Variants in CPLANE1 observed in about 807,000 individuals in gnomAD.
CPLANE1 encodes the protein ciliogenesis and planar polarity effector 1.
Under a neutral mutation model 362.5 loss-of-function variants are expected in CPLANE1, and 263 were observed. The observed-to-expected ratio is 0.73, with a 90% CI of 0.66 to 0.80. CPLANE1 has a LOEUF of 0.80. Ranked by LOEUF, CPLANE1 falls within the 30% of genes least tolerant of loss-of-function variation. CPLANE1 has a pLI of 0.00. For missense variants in CPLANE1, 3,461 were observed against 3,793.4 expected (o/e 0.91, Z 2.30); for synonymous variants, 1,212 against 1,302.6 (o/e 0.93, Z 1.50).
chr5:37,127,910 C>T (rs1262713342), intron 46 of CPLANE1, among the ~76,000 whole-genome samples: 2 of 151,888 alleles, frequency 1.3e-5, no homozygotes, highest in African/African-American at 2.4e-5. Context: ...TGCAGTGGCA[C>T]ACATCTGTGG....
intron 8 of CPLANE1, among the ~76,000 whole-genome samples, chr5:37,235,404 A>G (rs777369097): frequency 6.6e-6 from 1 of 152,146 alleles, no homozygotes; most frequent in Non-Finnish European, 1.5e-5. Flanking sequence ...TAAAAGGCCA[A>G]TATCATTAAA....
intron 16 of CPLANE1, among the ~76,000 whole-genome samples, chr5:37,208,347 G>A (rs988706045): frequency 2.6e-5 from 4 of 152,208 alleles, no homozygotes; most frequent in Non-Finnish European, 5.9e-5. Flanking sequence ...AGAATGCCCT[G>A]TGCCTTGATG....
intron 43 of CPLANE1, among the ~76,000 whole-genome samples, chr5:37,147,379 A>G (rs529010539): frequency 1.3e-5 from 2 of 152,370 alleles, no homozygotes; most frequent in African/African-American, 4.8e-5. Context: ...CTTAATATTT[A>G]GAAGCTAAAA....
the CPLANE1 span, among the ~76,000 whole-genome samples, chr5:37,086,034 G>A: frequency 1.3e-5 from 2 of 152,012 alleles, no homozygotes; most frequent in Non-Finnish European, 2.9e-5. Context: ...CCTAACACTG[G>A]AGTTCCCAAA....
intron 32 of CPLANE1, 97 bp from the exon 33 acceptor site, chr5:37,170,428 G>A (rs1446818493): frequency 4.8e-6 from 6 of 1,244,282 alleles, no homozygotes; most frequent in South Asian, 3.0e-5. Context: ...ATAGTCACAC[G>A]TTTGTCTTAA....
intron 46 of CPLANE1, among the ~76,000 whole-genome samples, chr5:37,138,007 T>A (rs1177302177): frequency 6.6e-6 from 1 of 151,958 alleles, no homozygotes; most frequent in African/African-American, 2.4e-5. Flanking sequence ...ATGAAAAGAA[T>A]GTATATTCTG....
the CPLANE1 span, chr5:37,085,879 C>T: frequency 3.3e-6 from 3 of 921,554 alleles, no homozygotes; most frequent in East Asian, 7.2e-5. Flanking sequence ...CGTGTTAAAT[C>T]TTTGTACATA....
intron 46 of CPLANE1, among the ~76,000 whole-genome samples, chr5:37,135,608 G>A (rs1406005076): frequency 6.6e-6 from 1 of 152,178 alleles, no homozygotes; most frequent in East Asian, 1.9e-4. Context: ...GTCGAGGTGG[G>A]CGGATCACAA....
intron 50 of CPLANE1, 147 bp from the exon 51 acceptor site, chr5:37,115,196 G>A: frequency 1.6e-6 from 1 of 615,230 alleles, no homozygotes; most frequent in Non-Finnish European, 2.8e-6. Flanking sequence ...AGTAAATGGT[G>A]GCTGGTTTGA....
intron 16 of CPLANE1, among the ~76,000 whole-genome samples, chr5:37,208,719 C>T (rs1369996861): frequency 6.8e-6 from 1 of 147,572 alleles, no homozygotes; most frequent in Non-Finnish European, 1.5e-5. Context: ...TTAACTTTCA[C>T]CTCCTCAGAG....
At chr5:37,114,892 C>G (rs1345600610) in intron 51 of CPLANE1, 68 bp downstream of exon 51, 11 of 935,616 alleles carry the variant, frequency 1.2e-5, no homozygotes, top group Non-Finnish European at 1.6e-5. Flanking sequence ...GAGTGAGACT[C>G]TGTCTCAAAA....
chr5:37,202,046 A>C (rs1789344527), intron 18 of CPLANE1, among the ~76,000 whole-genome samples: 1 of 152,232 alleles, frequency 6.6e-6, no homozygotes, highest in Admixed American at 6.5e-5. Flanking sequence ...TACAATAAAA[A>C]TATTCTTAGA....
At chr5:37,234,382 A>T (rs1460941849) in intron 8 of CPLANE1, among the ~76,000 whole-genome samples, 1 of 143,230 alleles carries the variant, frequency 7.0e-6, no homozygotes, top group Admixed American at 7.1e-5. Context: ...GAGAAAGATT[A>T]AAAAAAAAAA....
chr5:37,210,190 A>T (rs558437162), intron 16 of CPLANE1: 1 of 1,423,980 alleles, frequency 7.0e-7, no homozygotes, highest in Non-Finnish European at 9.9e-7. Flanking sequence ...AAGCACCAAG[A>T]GATTGAAACA....
intron 46 of CPLANE1, among the ~76,000 whole-genome samples, chr5:37,137,485 T>C (rs1482804061): frequency 6.6e-6 from 1 of 152,218 alleles, no homozygotes; most frequent in Non-Finnish European, 1.5e-5. Context: ...TTTTCAGGTA[T>C]TTTTACAGTA....
At position 37,168,830 on chromosome 5, in the gene CPLANE1, T is replaced by A; in HGVS notation, c.7194A>T (p.Arg2398Ser). The change falls in exon 34 of 53, where the codon AGA becomes AGT. Residue 2398 changes from arginine to serine, a missense_variant. Arg to Ser is a moderately radical substitution (Grantham distance 110, BLOSUM62 -1). This residue lies in a region of CPLANE1 where 3,380 missense variants were observed against 3,666.1 expected (regional missense o/e 0.92). Coordinates refer to ENST00000651892, the MANE Select transcript of CPLANE1 (RefSeq NM_001384732.1). ...QPIAEERKYPRLSLLHSHLSP... is the reference protein window; with the variant it reads ...QPIAEERKYPSLSLLHSHLSP... The stretch of plus-strand genomic sequence containing the variant: ...ACAAATGTGAATGAAGTAATGACAA[T>A]CTTGGGTATTTTCTTTCTTCTGCTA... 1 of 1,613,496 alleles carries A rather than the reference T, an allele frequency of 6.2e-7. No homozygotes were observed. Among genetic ancestry groups the A allele is most frequent in the East Asian group, 2.2e-5 (1 of 44,860 alleles).
In CPLANE1 at chr5:37,157,798, T is replaced by A. The variant is rs200930248; in HGVS notation, c.7883A>T (p.Glu2628Val). 314 of 1,613,738 alleles carry A rather than the reference T, an allele frequency of 1.9e-4. No homozygotes were observed. The highest frequency in any genetic ancestry group is 8.3e-4 in the Admixed American group (50 of 59,986). ...GATAACATTATCATTTGAAGGCTCTTCTCTCACAGGTAATTCCTGTAGAAG... is the reference window on the plus strand; with the variant it reads ...GATAACATTATCATTTGAAGGCTCTACTCTCACAGGTAATTCCTGTAGAAG... ...NDLLQELPVR[E>V]EPSNDNVIKQ... Residue 2628 changes from glutamate to valine, a missense_variant, in exon 40 of 53, where the codon GAA becomes GTA. This residue lies in a region of CPLANE1 where 3,380 missense variants were observed against 3,666.1 expected (regional missense o/e 0.92). Coordinates refer to ENST00000651892, the MANE Select transcript of CPLANE1 (RefSeq NM_001384732.1).
intron 37 of CPLANE1, 102 bp from the exon 38 acceptor site, chr5:37,162,668 G>T: frequency 2.7e-6 from 2 of 738,164 alleles, no homozygotes; most frequent in Admixed American, 2.6e-5. Context: ...AATATGGGGT[G>T]TCAGGATGTT....
At chr5:37,086,863 G>A in the CPLANE1 span, among the ~76,000 whole-genome samples, 1 of 152,180 alleles carries the variant, frequency 6.6e-6, no homozygotes. Flanking sequence ...CTGCAGGACA[G>A]TCCCCCACAG....
Sources: gnomAD v4.1 joint callset for allele counts (sites outside exome capture counted in the v4.1 genomes callset) on GRCh38, gnomAD v4.1.1 for gene constraint, gnomAD v4.1.1 regional missense constraint, MANE v1.5 for transcripts, NCBI Gene and HGNC (gene_info 2026-07-23, HGNC 2026-07-21) for gene names.